Variants in ABCA2 observed in about 807,000 individuals in gnomAD.
The protein encoded by ABCA2 is ATP-binding cassette sub-family A member 2.
A neutral mutation model predicts 262.8 loss-of-function variants in ABCA2; 84 were observed. That is an observed-to-expected ratio of 0.32 (90% CI 0.27 to 0.38). The LOEUF is 0.38. Among genes scored for constraint, ABCA2 ranks in the 10% least tolerant of loss-of-function variants. ABCA2 has a pLI of 1.00. For missense variants in ABCA2, 2,662 were observed against 3,405.9 expected, an observed-to-expected ratio of 0.78 and a Z score of 5.44; for synonymous variants, 1,696 against 1,502.9, an observed-to-expected ratio of 1.13 and a Z score of -2.97.
chr9:137,009,821 C>T lies in ABCA2; in HGVS notation c.6578G>A (p.Arg2193Gln), dbSNP rs769770302. 5 of 1,612,440 alleles carry T rather than the reference C, an allele frequency of 3.1e-6. No individual in the cohort carries two copies. Among genetic ancestry groups the T allele is most frequent in the Admixed American group, 1.7e-5 (1 of 59,972 alleles). The change falls in exon 43 of 49, where the codon CGG becomes CAG. Residue 2193 changes from arginine to glutamine, a missense_variant. Arg to Gln is a conservative substitution (Grantham distance 43). Transcript: ENST00000341511. ...PAGTYSGGNK[R>Q]KLSTAIALIG... is the part of the protein sequence containing the mutation. ...GAGGGCGATGGCCGTGGAGAGCTTC[C>T]GCTTGTTGCCGCCGCTGTAGGTGCC...
Position 137,022,775 on chromosome 9 carries a change from C to T in ABCA2, c.366G>A (p.Glu122=). Reference sequence around the variant, plus strand: ...GGGCCTCCAGATGCTGGCGTAGGGCCTCGAGCTCTGAGCCCAGGCTGGGCC... The same window carrying T: ...GGGCCTCCAGATGCTGGCGTAGGGCTTCGAGCTCTGAGCCCAGGCTGGGCC... The part of the protein sequence containing the change: ...PARPSLGSEL[E]ALRQHLEALS... The change falls in exon 5 of 49, where the codon GAG becomes GAA. Residue 122 remains glutamate, a synonymous_variant. Coordinates refer to ENST00000341511, the MANE Select transcript of ABCA2 (RefSeq NM_001606.5). The T allele has an allele frequency of 6.2e-7, 1 of 1,601,198 alleles. No individual in the cohort carries two copies. The highest frequency in any genetic ancestry group is 8.5e-7 in the Non-Finnish European group (1 of 1,175,594).
At chr9:137,018,407 T>C (rs1277629366) in intron 13 of ABCA2, 56 bp from the exon 14 acceptor site, 1 of 143,320 alleles carries the variant, frequency 7.0e-6, no homozygotes, top group Non-Finnish European at 1.1e-5. Context: ...CAAGGCGTGG[T>C]GGGGGGGAAA....
intron 19 of ABCA2, 27 bp downstream of exon 19, chr9:137,016,893 C>G: frequency 6.2e-7 from 1 of 1,607,550 alleles, no homozygotes; most frequent in Non-Finnish European, 8.5e-7. Context: ...CCTGCCTCTC[C>G]CCTGCCCTCC....
At chr9:137,024,698 G>A (rs969245383) in intron 1 of ABCA2, among the ~76,000 whole-genome samples, 2 of 152,172 alleles carry the variant, frequency 1.3e-5, no homozygotes, top group South Asian at 4.1e-4. Flanking sequence ...GGGGAGATGA[G>A]GAGGCCTGGT....
Position 137,024,221 on chromosome 9 carries a change from C to G in ABCA2, c.82G>C (p.Glu28Gln). ...AACAGCACCAGGGGGATGAAGATCT[C>G]GAAGGCCAGGACCCACTGGAAAGGG... ...KRRSPWVLAF[E>Q]IFIPLVLFFI... The change falls in exon 2 of 49, where the codon GAG becomes CAG. Residue 28 changes from glutamate (E) to glutamine (Q), a missense_variant. By Grantham distance (29) the Glu-to-Gln change is conservative. This residue lies in a region of ABCA2 where 101 missense variants were observed against 152.3 expected (regional missense o/e 0.66). Coordinates refer to ENST00000341511, the MANE Select transcript of ABCA2 (RefSeq NM_001606.5). 6.2e-7 allele frequency: 1 copy of G among 1,611,352 alleles called. No individual in the cohort carries two copies. Among genetic ancestry groups the G allele is most frequent in the Non-Finnish European group, 8.5e-7 (1 of 1,179,212 alleles).
At position 137,014,184 on chromosome 9, in the gene ABCA2, G is replaced by C. The variant is rs777209878; in HGVS notation, c.4224C>G (p.Asp1408Glu). ...RPLFDNPQDP[D>E]NVSLQEVEAE... Reference sequence around the variant, plus strand: ...CACCCCCACCTTGCAGGCTGACATTGTCTGGGTCCTGTGGGTTATCAAAGA... The same window carrying C: ...CACCCCCACCTTGCAGGCTGACATTCTCTGGGTCCTGTGGGTTATCAAAGA... Residue 1408 changes from aspartate to glutamate, a missense_variant, in exon 27 of 49, where the codon GAC (aspartate) becomes GAG (glutamate). Around this residue, in one of 12 missense-constraint regions of ABCA2, gnomAD observed 297 missense variants for 286.5 expected, o/e 1.04. Transcript: ENST00000341511. 2.5e-6 allele frequency: 4 copies of C among 1,608,322 alleles called. No individual in the cohort carries two copies. The Admixed American group carries it at 6.7e-5, about 27-fold the overall frequency.
At chr9:137,020,661 C>G in intron 9 of ABCA2, 33 bp downstream of exon 9, 3 of 1,595,474 alleles carry the variant, frequency 1.9e-6, no homozygotes, top group Non-Finnish European at 8.5e-7. Context: ...CCTGGCTGTC[C>G]TCCTCACCCC....
chr9:137,008,713 T>C lies in ABCA2; in HGVS notation c.7068+18A>G, dbSNP rs1163733698. ...GGGGAGGGGCAGGTGTGGTGCGCAG[T>C]GCCCTTGGGGCGCTCACATTGTCCA... On this transcript the variant is annotated intron_variant, in intron 47 of 48. Coordinates refer to ENST00000341511, the MANE Select transcript of ABCA2 (RefSeq NM_001606.5). 1.3e-6 allele frequency: 2 copies of C among 1,570,952 alleles called. No homozygotes were observed. Among genetic ancestry groups the C allele is most frequent in the Admixed American group, 1.9e-5 (1 of 53,084 alleles).
chr9:137,008,491 G>A lies in ABCA2; in HGVS notation c.7200C>T (p.Leu2400=). ...CGGGCTCGTCTGCCACAAGTGCCCG[G>A]AGCTCCGTGGGGGCAGACCGGGGCC... ...LLRPRSAPTE[L]RALVADEPED... Residue 2400 remains leucine (L), a synonymous_variant, in exon 48 of 49, where the codon CTC becomes CTT. Coordinates refer to ENST00000341511, the MANE Select transcript of ABCA2 (RefSeq NM_001606.5). 3 of 1,575,554 alleles carry A rather than the reference G, an allele frequency of 1.9e-6. No homozygotes were observed. The highest frequency in any genetic ancestry group is 2.3e-5 in the East Asian group (1 of 42,902).
Position 137,008,860 on chromosome 9 carries a change from G to C in ABCA2, c.6939C>G (p.His2313Gln). The part of the protein sequence containing the change: ...NFPEAMLKER[H>Q]HTKVQYQLKS... Reference sequence around the variant, plus strand: ...TGAGCTGGTACTGCACCTTTGTGTGGTGCCGCTCCTGCAGGGGGGGAGGTC... The same window carrying C: ...TGAGCTGGTACTGCACCTTTGTGTGCTGCCGCTCCTGCAGGGGGGGAGGTC... The change falls in exon 47 of 49, where the codon CAC becomes CAG. Residue 2313 changes from histidine (H) to glutamine (Q), a missense_variant. This residue lies in a region of ABCA2 where 212 missense variants were observed against 214.4 expected (regional missense o/e 0.99). Coordinates refer to ENST00000341511, the MANE Select transcript of ABCA2 (RefSeq NM_001606.5). The C allele has an allele frequency of 6.2e-7, 1 of 1,604,534 alleles. No individual in the cohort carries two copies. The highest frequency in any genetic ancestry group is 8.5e-7 in the Non-Finnish European group (1 of 1,179,612).
chr9:137,020,896 G>A lies in ABCA2; in HGVS notation c.1063C>T (p.Arg355Trp), dbSNP rs763265864. ...CCACTGGCTGGGGGTCCGGGGGTCC[G>A]GCCAGTGCAGGCACCCTGGGGCAGT... ...LLLPQGACTGRTPGPPASGAG... is the reference protein window; with the variant it reads ...LLLPQGACTGWTPGPPASGAG... The change falls in exon 9 of 49, where the codon CGG (arginine) becomes TGG (tryptophan). Residue 355 changes from arginine (R) to tryptophan (W), a missense_variant. Arg to Trp is a moderately radical substitution (Grantham distance 101). Coordinates refer to ENST00000341511, the MANE Select transcript of ABCA2 (RefSeq NM_001606.5). 1.4e-5 allele frequency: 22 copies of A among 1,555,448 alleles called. No homozygotes were observed. Among genetic ancestry groups the A allele is most frequent in the East Asian group, 2.4e-5 (1 of 42,146 alleles).
rs1476618892 is a variant in ABCA2, at chr9:137,007,619, C to T, written c.*310G>A. 13 of 487,182 alleles carry T rather than the reference C, an allele frequency of 2.7e-5. No homozygotes were observed. The highest frequency in any genetic ancestry group is 5.6e-4 in the Middle Eastern group (1 of 1,774). The allele number at this position is 487,182 out of a possible 1,614,324, so 30.2% of individuals were successfully genotyped here. On this transcript the variant is annotated 3_prime_UTR_variant, in exon 49 of 49. Coordinates refer to ENST00000341511, the MANE Select transcript of ABCA2 (RefSeq NM_001606.5). ...GGCCAGCAGTGCCTGGTCCAGCCGGCGTCGCCTTGGGCGGTGAGCAGTGCC... is the reference window on the plus strand; with the variant it reads ...GGCCAGCAGTGCCTGGTCCAGCCGGTGTCGCCTTGGGCGGTGAGCAGTGCC...
rs763946941 is a variant in ABCA2, at chr9:137,022,806, G to A, written c.335C>T (p.Pro112Leu). Reference protein sequence around the residue: ...RVVEEGNLFDPARPSLGSELE... With the variant: ...RVVEEGNLFDLARPSLGSELE... ...CTCTGAGCCCAGGCTGGGCCGCGCT[G>A]GGTCAAACAGGTTGCCTTCCTCCAC... The change falls in exon 5 of 49, where the codon CCA (proline) becomes CTA (leucine). Residue 112 changes from proline to leucine, a missense_variant. Around this residue, in one of 12 missense-constraint regions of ABCA2, gnomAD observed 101 missense variants for 152.3 expected, o/e 0.66. Coordinates refer to ENST00000341511, the MANE Select transcript of ABCA2 (RefSeq NM_001606.5). 1 of 1,592,576 alleles carries A rather than the reference G, an allele frequency of 6.3e-7. No homozygotes were observed. Among genetic ancestry groups the A allele is most frequent in the Non-Finnish European group, 8.5e-7 (1 of 1,170,940 alleles).
At position 137,014,307 on chromosome 9, in the gene ABCA2, G is replaced by C. The variant is rs572175997; in HGVS notation, c.4101C>G (p.Thr1367=). ...CCGACTGCAGCGATGCCTGCGACTG[G>C]GTCAGCTCCGAGCACCGGGCCAGAT... ...AGNLARCSEL[T]QSQASLQSAS... The change falls in exon 27 of 49, where the codon ACC becomes ACG. Residue 1367 remains threonine (T), a synonymous_variant. Coordinates refer to ENST00000341511, the MANE Select transcript of ABCA2 (RefSeq NM_001606.5). 6.2e-7 allele frequency: 1 copy of C among 1,610,482 alleles called. No homozygotes were observed. Among genetic ancestry groups the C allele is most frequent in the Non-Finnish European group, 8.5e-7 (1 of 1,179,064 alleles).
chr9:137,012,758 C>T lies in ABCA2; in HGVS notation c.5035G>A (p.Val1679Ile), dbSNP rs1242226280. The T allele has an allele frequency of 4.3e-6, 7 of 1,612,700 alleles. No individual in the cohort carries two copies. The highest frequency in any genetic ancestry group is 5.9e-6 in the Non-Finnish European group (7 of 1,179,922). Residue 1679 changes from valine to isoleucine, a missense_variant, in exon 31 of 49, where the codon GTC becomes ATC. Physicochemically the swap from Val to Ile is conservative, Grantham distance 29. This residue lies in a region of ABCA2 where 602 missense variants were observed against 897.4 expected (regional missense o/e 0.67). Transcript: ENST00000341511. ...DILTDITGHN[V>I]SEYLLFTSDR... ...GAGGTGAAGAGCAGGTACTCAGAGA[C>T]ATTGTGGCCGGTGATGTCGGTCAGG...
rs150403388 is a variant in ABCA2 at position 137,010,206 on chromosome 9, C to T, written c.6340G>A (p.Val2114Ile). ...DESTTGGEAF[V>I]NGHSVLKELL... ...CTCCCGCCCCACCTGTGTCCATTGA[C>T]GAAGGCCTCGCCCCCCGTCGTGCTC... Residue 2114 changes from valine to isoleucine, a missense_variant, in exon 41 of 49, where the codon GTC becomes ATC. Val to Ile is a conservative substitution (Grantham distance 29). Transcript: ENST00000341511. 494 of 1,603,688 alleles carry T rather than the reference C, an allele frequency of 3.1e-4. 3 individuals carry two copies. In the African/African-American group the frequency reaches 5.7e-3, roughly 18 times the overall value.
chr9:137,009,566 G>A lies in ABCA2; in HGVS notation c.6709C>T (p.Arg2237Cys). 6.2e-7 allele frequency: 1 copy of A among 1,612,884 alleles called. No individual in the cohort carries two copies. Among genetic ancestry groups the A allele is most frequent in the Non-Finnish European group, 8.5e-7 (1 of 1,179,924 alleles). ...NLILDLIKTG[R>C]SVVLTSHSME... ...CTGTGTGATGTCAGCACCACTGAACGCCCTGTCTTGATGAGGTCAAGGATG... is the reference window on the plus strand; with the variant it reads ...CTGTGTGATGTCAGCACCACTGAACACCCTGTCTTGATGAGGTCAAGGATG... Residue 2237 changes from arginine to cysteine, a missense_variant, in exon 44 of 49, where the codon CGT becomes TGT. This residue lies in a region of ABCA2 where 602 missense variants were observed against 897.4 expected (regional missense o/e 0.67). Coordinates refer to ENST00000341511, the MANE Select transcript of ABCA2 (RefSeq NM_001606.5).
intron 31 of ABCA2, 32 bp from the exon 32 acceptor site, chr9:137,012,622 T>C: frequency 6.2e-7 from 1 of 1,610,076 alleles, no homozygotes; most frequent in East Asian, 2.2e-5. Context: ...GCGGTGAGGC[T>C]AGGCAGGCAG....
At chr9:137,028,887 G>A, upstream of ABCA2, 1 of 1,324,426 alleles carries the variant, frequency 7.6e-7, no homozygotes, top group South Asian at 1.2e-5. This position sits in a 1 kb window ranked among gnomAD's most constrained non-coding sequence, Gnocchi z 6.9. Flanking sequence ...GGGCGAGTCT[G>A]GTCTCTGCAC....
Sources: gnomAD v4.1 joint callset for allele counts (sites outside exome capture counted in the v4.1 genomes callset) on GRCh38, gnomAD v4.1.1 for gene constraint, gnomAD v4.1.1 regional missense constraint, Gnocchi (gnomAD v3.1) non-coding constraint, MANE v1.5 for transcripts, NCBI Gene and HGNC (gene_info 2026-07-23, HGNC 2026-07-21) for gene names.